N4BP2: variants seen among roughly 807,000 people sequenced by gnomAD.
N4BP2 encodes the protein NEDD4 binding protein 2.
N4BP2 carries 91 observed loss-of-function variants against 152.8 expected under a neutral mutation model. The ratio of observed to expected loss-of-function variants is 0.60; its 90% CI spans 0.50 to 0.71. The LOEUF (loss-of-function observed/expected upper bound fraction) is 0.71, where lower values mean the gene tolerates loss of function less well. Ranked by LOEUF, N4BP2 falls within the 30% of genes least tolerant of loss-of-function variation. The probability of loss-of-function intolerance (pLI) is 0.00; values close to 1 mark genes in which losing one functional copy is unlikely to be tolerated. For synonymous variants in N4BP2, 646 were observed against 705.3 expected, an observed-to-expected ratio of 0.92 and a Z score of 1.33; for missense variants, 1,923 against 2,059.1, an observed-to-expected ratio of 0.93 and a Z score of 1.28.
At chr4:40,114,137 T>G (rs1283794083) in intron 7 of N4BP2, among the ~76,000 whole-genome samples, 3 of 152,300 alleles carry the variant, frequency 2.0e-5, no homozygotes, top group African/African-American at 7.2e-5. Flanking sequence ...TTGCTTGACT[T>G]GAATAAAAAT....
At chr4:40,073,268 C>T (rs1578955430) in intron 1 of N4BP2, among the ~76,000 whole-genome samples, 187 bp from the exon 2 acceptor site, 1 of 152,088 alleles carries the variant, frequency 6.6e-6, no homozygotes, top group Admixed American at 6.6e-5. Context: ...TTTATACAGA[C>T]TTTTTCAGAG....
chr4:40,144,822 G>A (rs1422283661), intron 16 of N4BP2, 22 bp downstream of exon 16: 1 of 1,575,324 alleles, frequency 6.3e-7, no homozygotes, highest in Admixed American at 1.9e-5. Flanking sequence ...GTAATCACAA[G>A]TTTTCAATAG....
At chr4:40,089,086 G>T (rs1407147352) in intron 2 of N4BP2, among the ~76,000 whole-genome samples, 1 of 152,056 alleles carries the variant, frequency 6.6e-6, no homozygotes, top group Non-Finnish European at 1.5e-5. Flanking sequence ...GAGTAACTGG[G>T]ATTATAGGCA....
intron 2 of N4BP2, among the ~76,000 whole-genome samples, chr4:40,074,266 T>A (rs1712502115): frequency 6.6e-6 from 1 of 152,200 alleles, no homozygotes; most frequent in Middle Eastern, 3.2e-3. Context: ...AATTTTTGTA[T>A]TTTTAGTAGC....
At chr4:40,057,788 C>G (rs1353752676) in intron 1 of N4BP2, among the ~76,000 whole-genome samples, 1 of 151,862 alleles carries the variant, frequency 6.6e-6, no homozygotes. Context: ...TTTTTTCCCT[C>G]CGAAAGAGAG....
At position 40,102,425 on chromosome 4, in the gene N4BP2, CA is replaced by C; in HGVS notation, c.584del (p.Asn195IlefsTer2). ...SSNMTPIFST[Q>X]NMNLNGENLE... ...TAATATGACTCCCATTTTTTCTACA[CA>C]AAATATGAATTTGAACGGTGAAAAT... is the stretch of plus-strand genomic sequence containing the variant. On this transcript the variant is annotated frameshift_variant, in exon 4 of 18. Coordinates refer to ENST00000261435, the MANE Select transcript of N4BP2 (RefSeq NM_018177.6). LOFTEE classifies it high-confidence loss of function. 1.9e-6 allele frequency: 3 copies of C among 1,610,528 alleles called. No individual in the cohort carries two copies. Among genetic ancestry groups the C allele is most frequent in the Non-Finnish European group, 1.7e-6 (2 of 1,178,848 alleles).
At chr4:40,165,597 A>G in the N4BP2 span, among the ~76,000 whole-genome samples, 1 of 152,160 alleles carries the variant, frequency 6.6e-6, no homozygotes, top group African/African-American at 2.4e-5. Context: ...AGGATGATCC[A>G]TTAGTGTGTT....
chr4:40,133,869 G>A (rs1182486955), intron 13 of N4BP2, among the ~76,000 whole-genome samples: 5 of 152,024 alleles, frequency 3.3e-5, no homozygotes, highest in Admixed American at 1.3e-4. Context: ...GCAGTGGCAC[G>A]ATCTTGGCTC....
chr4:40,179,675 T>C, the N4BP2 span, among the ~76,000 whole-genome samples: 20 of 152,118 alleles, frequency 1.3e-4, no homozygotes, highest in African/African-American at 4.6e-4. Flanking sequence ...TTAACCATTA[T>C]ATTATTGCAA....
chr4:40,145,028 G>A (rs955406634), intron 16 of N4BP2, among the ~76,000 whole-genome samples: 2 of 152,126 alleles, frequency 1.3e-5, no homozygotes, highest in African/African-American at 4.8e-5. Flanking sequence ...TTTATTAACG[G>A]GAGGGCATGG....
Position 40,121,656 on chromosome 4 carries a change from G to A in N4BP2, c.3545G>A (p.Gly1182Glu). ...TCTCCTGTGCCAGAGTTTAGCCATGGGATTGGTATTAGTAACGCTGACTCA... is the reference window on the plus strand; with the variant it reads ...TCTCCTGTGCCAGAGTTTAGCCATGAGATTGGTATTAGTAACGCTGACTCA... ...SNSPVPEFSHGIGISNADSQS... is the reference protein window; with the variant it reads ...SNSPVPEFSHEIGISNADSQS... The change falls in exon 9 of 18, where the codon GGG becomes GAG. Residue 1182 changes from glycine to glutamate, a missense_variant. Gly to Glu is a moderately conservative substitution (Grantham distance 98). Transcript: ENST00000261435. The A allele has an allele frequency of 1.2e-6, 2 of 1,614,096 alleles. No homozygotes were observed. Among genetic ancestry groups the A allele is most frequent in the Non-Finnish European group, 1.7e-6 (2 of 1,180,014 alleles).
chr4:40,117,779 T>G (rs1876874), intron 7 of N4BP2, 90 bp from the exon 8 acceptor site: 74,136 of 1,071,506 alleles, frequency 0.069, 6,541 homozygotes, highest in East Asian at 0.47. Context: ...CTATTAGAAA[T>G]ATATTATTGT....
chr4:40,080,824 A>AT (rs34784076), intron 2 of N4BP2, among the ~76,000 whole-genome samples: 103,701 of 135,590 alleles, frequency 0.76, 40,034 homozygotes, highest in East Asian at 0.96. Flanking sequence ...CGCCTGGCTA[A>AT]TTTTTTTTTT....
chr4:40,101,584 A>T (rs557692811), intron 3 of N4BP2, among the ~76,000 whole-genome samples: 20 of 152,318 alleles, frequency 1.3e-4, no homozygotes, highest in Non-Finnish European at 1.9e-4. Flanking sequence ...AATATTTCTG[A>T]TATGCAGTAC....
rs1446413595 is a variant in N4BP2 at position 40,120,762 on chromosome 4, A to T, written c.2651A>T (p.Asp884Val). 6.2e-7 allele frequency: 1 copy of T among 1,614,196 alleles called. No individual in the cohort carries two copies. Among genetic ancestry groups the T allele is most frequent in the South Asian group, 1.1e-5 (1 of 91,082 alleles). ...AAAAACTCATTCAACATTATGGGTG[A>T]CTGGCCTTCATCTGATTCTTTAGCT... ...IDKNSFNIMG[D>V]WPSSDSLAQR... Residue 884 changes from aspartate (D) to valine (V), a missense_variant, in exon 9 of 18, where the codon GAC becomes GTC. Coordinates refer to ENST00000261435, the MANE Select transcript of N4BP2 (RefSeq NM_018177.6).
intron 3 of N4BP2, among the ~76,000 whole-genome samples, chr4:40,101,697 T>C (rs1423456554): frequency 1.3e-5 from 2 of 152,216 alleles, no homozygotes; most frequent in African/African-American, 4.8e-5. Flanking sequence ...TTTAAAAGTT[T>C]GCATGCAATA....
intron 13 of N4BP2, 55 bp from the exon 14 acceptor site, chr4:40,136,889 C>T (rs1719455584): frequency 3.8e-6 from 5 of 1,331,352 alleles, no homozygotes; most frequent in African/African-American, 2.9e-5. Flanking sequence ...TGTTAATGTC[C>T]CACACAACTT....
chr4:40,084,720 C>G (rs1713759973), intron 2 of N4BP2, among the ~76,000 whole-genome samples: 1 of 150,802 alleles, frequency 6.6e-6, no homozygotes, highest in African/African-American at 2.4e-5. Flanking sequence ...ACCTCTGCCT[C>G]CCGGGTTCAA....
chr4:40,108,752 T>G (rs1716569026), intron 5 of N4BP2, among the ~76,000 whole-genome samples: 1 of 152,206 alleles, frequency 6.6e-6, no homozygotes, highest in East Asian at 1.9e-4. Context: ...TATCATTAAA[T>G]GTTTATTTGC....
Sources: allele counts gnomAD v4.1 joint callset (sites outside exome capture counted in the v4.1 genomes callset), GRCh38; gene constraint gnomAD v4.1.1; transcripts MANE v1.5; gene names NCBI Gene and HGNC (gene_info 2026-07-23, HGNC 2026-07-21).